The following MICAL2 variants were observed in gnomAD, a reference collection of about 807,000 sequenced individuals.
MICAL2 encodes [F-actin]-monooxygenase MICAL2.
A neutral mutation model predicts 127.3 loss-of-function variants in MICAL2; 77 were observed. The ratio of observed to expected loss-of-function variants is 0.60; its 90% CI spans 0.50 to 0.73. MICAL2 has a LOEUF of 0.73. MICAL2 is among the 30% of genes least tolerant of loss of function. The pLI, the probability that MICAL2 is intolerant of heterozygous loss-of-function variation, is 0.00. For missense variants in MICAL2, 1,351 were observed against 1,434.4 expected (o/e 0.94, Z 0.94); for synonymous variants, 570 against 551.1 (o/e 1.03, Z -0.48).
intron 30 of MICAL2, among the ~76,000 whole-genome samples, chr11:12,322,378 A>G (rs1414573536): frequency 1.3e-5 from 2 of 152,176 alleles, no homozygotes; most frequent in African/African-American, 4.8e-5. Flanking sequence ...TGGAATCCCC[A>G]TTCAGAGTGA....
intron 33 of MICAL2, among the ~76,000 whole-genome samples, chr11:12,354,331 G>T (rs912149662): frequency 6.6e-6 from 1 of 152,190 alleles, no homozygotes; most frequent in African/African-American, 2.4e-5. Context: ...ACAAAAATTA[G>T]CCCAGTGGCA....
downstream of MICAL2, among the ~76,000 whole-genome samples, chr11:12,290,294 G>A (rs1475717316): frequency 6.6e-6 from 1 of 152,184 alleles, no homozygotes; most frequent in African/African-American, 2.4e-5. Flanking sequence ...GAAAGGAGAA[G>A]AAGGGAGTGG....
chr11:12,278,581 C>T (rs1362666399), intron 1 of MICAL2, among the ~76,000 whole-genome samples: 1 of 152,180 alleles, frequency 6.6e-6, no homozygotes. Context: ...AGAAGAGTAA[C>T]ATCTCATTTA....
intron 31 of MICAL2, among the ~76,000 whole-genome samples, chr11:12,325,808 G>T (rs1208164198): frequency 6.6e-6 from 1 of 152,172 alleles, no homozygotes; most frequent in East Asian, 1.9e-4. Flanking sequence ...TGCATTTGGG[G>T]TGGGACACAA....
chr11:12,313,207 A>G (rs140600819), intron 29 of MICAL2, among the ~76,000 whole-genome samples: 190 of 151,622 alleles, frequency 1.3e-3, no homozygotes, highest in African/African-American at 4.3e-3. Flanking sequence ...GTCAAACAAG[A>G]CAAGTCAGAT....
chr11:12,354,988 C>G, intron 34 of MICAL2: 3 of 766,630 alleles, frequency 3.9e-6, no homozygotes, highest in East Asian at 5.4e-5. Context: ...ACAAAGCCAG[C>G]CTGCCTCCCA....
At chr11:12,116,363 T>C (rs961653779) in intron 1 of MICAL2, among the ~76,000 whole-genome samples, 24 of 149,620 alleles carry the variant, frequency 1.6e-4, no homozygotes, top group Non-Finnish European at 3.4e-4. Flanking sequence ...TTTTTTTTTT[T>C]TTTTTTTTTT....
intron 1 of MICAL2, among the ~76,000 whole-genome samples, chr11:12,111,445 G>A (rs1849599726): frequency 1.3e-5 from 2 of 152,224 alleles, no homozygotes; most frequent in Non-Finnish European, 2.9e-5. Context: ...TGCCCACAGC[G>A]TCTAAGCCGC....
chr11:12,230,455 C>T (rs752075948), intron 15 of MICAL2, among the ~76,000 whole-genome samples: 17 of 152,156 alleles, frequency 1.1e-4, no homozygotes, highest in African/African-American at 1.9e-4. Flanking sequence ...CATGCTTGCA[C>T]GAGTCTATAC....
At chr11:12,307,399 G>T (rs56034880) in intron 29 of MICAL2, among the ~76,000 whole-genome samples, 61,941 of 152,014 alleles carry the variant, frequency 0.41, 15,089 homozygotes, top group Non-Finnish European at 0.56. Context: ...TTTCATTACA[G>T]TATCTTTCAA....
At chr11:12,216,092 A>G in intron 7 of MICAL2, 127 bp from the exon 8 acceptor site, 1 of 692,166 alleles carries the variant, frequency 1.4e-6, no homozygotes, top group Non-Finnish European at 2.5e-6. Flanking sequence ...TGTGTGCCTT[A>G]AAAACTGGTC....
At chr11:12,205,149 G>A (rs1854523238) in intron 4 of MICAL2, among the ~76,000 whole-genome samples, 1 of 152,182 alleles carries the variant, frequency 6.6e-6, no homozygotes, top group African/African-American at 2.4e-5. Flanking sequence ...TTCAGGTCCT[G>A]GGCATCCCTG....
At chr11:12,213,104 C>T (rs1347546110) in intron 6 of MICAL2, 151 bp from the exon 7 acceptor site, 13 of 845,370 alleles carry the variant, frequency 1.5e-5, no homozygotes, top group East Asian at 2.7e-5. Flanking sequence ...GAGCAAACTT[C>T]GGTATTTCTG....
intron 1 of MICAL2, among the ~76,000 whole-genome samples, chr11:12,128,338 A>G (rs908214685): frequency 3.3e-5 from 5 of 152,248 alleles, no homozygotes; most frequent in African/African-American, 1.2e-4. Flanking sequence ...TGCACTAGAC[A>G]CATCCCATTT....
downstream of MICAL2, among the ~76,000 whole-genome samples, chr11:12,265,377 G>A (rs114770273): frequency 2.6e-5 from 4 of 152,298 alleles, no homozygotes; most frequent in African/African-American, 9.6e-5. Context: ...ATTTTAAAAG[G>A]AAAACCATAT....
chr11:12,257,055 C>T, intron 24 of MICAL2, 84 bp downstream of exon 24: 4 of 1,392,620 alleles, frequency 2.9e-6, no homozygotes, highest in Non-Finnish European at 3.9e-6. Flanking sequence ...CCTCTGGTGG[C>T]TCTAGGACAC....
At chr11:12,323,965 T>C (rs1430477706) in intron 30 of MICAL2, 2 of 1,592,410 alleles carry the variant, frequency 1.3e-6, no homozygotes, top group Non-Finnish European at 1.7e-6. Context: ...TTTTTCTCCA[T>C]TGGTTTTCAT....
downstream of MICAL2, among the ~76,000 whole-genome samples, chr11:12,268,236 T>A (rs950066900): frequency 6.6e-6 from 1 of 152,192 alleles, no homozygotes; most frequent in Non-Finnish European, 1.5e-5. Flanking sequence ...AAGGGAGTTT[T>A]GATTTTGCTT....
intron 31 of MICAL2, chr11:12,324,142 T>G (rs1195789330): frequency 1.3e-6 from 2 of 1,544,920 alleles, no homozygotes; most frequent in Non-Finnish European, 1.7e-6. Flanking sequence ...GGGAAAGAGT[T>G]TTGGGGGTCT....
Sources: allele counts gnomAD v4.1 joint callset (sites outside exome capture counted in the v4.1 genomes callset), GRCh38; gene constraint gnomAD v4.1.1; transcripts MANE v1.5; gene names NCBI Gene and HGNC (gene_info 2026-07-23, HGNC 2026-07-21).